The following BMS1 variants were observed in gnomAD, a reference collection of about 807,000 sequenced individuals.
The protein encoded by BMS1 is BMS1 ribosome biogenesis factor.
BMS1 carries 53 observed loss-of-function variants against 138.7 expected under a neutral mutation model. The observed-to-expected ratio is 0.38, with a 90% CI of 0.31 to 0.48. The LOEUF is 0.48. BMS1 is among the 20% of genes least tolerant of loss of function. The probability of loss-of-function intolerance (pLI) is 0.97; values close to 1 mark genes in which losing one functional copy is unlikely to be tolerated. For synonymous variants in BMS1, 504 were observed against 539.9 expected, an observed-to-expected ratio of 0.93 and a Z score of 0.92; for missense variants, 1,360 against 1,565.5, an observed-to-expected ratio of 0.87 and a Z score of 2.22.
intron 6 of BMS1, among the ~76,000 whole-genome samples, 182 bp from the exon 7 acceptor site, chr10:42,792,311 A>G (rs1347284211): frequency 2.0e-5 from 3 of 152,192 alleles, no homozygotes; most frequent in African/African-American, 4.8e-5. Context: ...GCCTAGAGAC[A>G]CAGTTGTGTG....
At chr10:42,808,759 C>T (rs909405079) in intron 13 of BMS1, among the ~76,000 whole-genome samples, 3 of 152,134 alleles carry the variant, frequency 2.0e-5, no homozygotes, top group African/African-American at 7.2e-5. Flanking sequence ...TTTTCTAGCA[C>T]CACTTATTTT....
In BMS1 at chr10:42,791,618, A is replaced by C. The variant is rs1194345376; in HGVS notation, c.637-9A>C. ...GAAATTTAATTTTTAATTTTCCTCT[A>C]ATGTTTAGGGTGCCAAGCTGTTCTA... On this transcript the variant is annotated splice_polypyrimidine_tract_variant and intron_variant, in intron 5 of 22. Transcript: ENST00000374518. 1 of 1,584,156 alleles carries C rather than the reference A, an allele frequency of 6.3e-7. No individual in the cohort carries two copies. Among genetic ancestry groups the C allele is most frequent in the East Asian group, 2.2e-5 (1 of 44,704 alleles).
At chr10:42,793,802 C>T (rs968884414) in intron 8 of BMS1, 50 bp from the exon 9 acceptor site, 6 of 1,573,692 alleles carry the variant, frequency 3.8e-6, no homozygotes, top group Non-Finnish European at 4.3e-6. Flanking sequence ...TCGTGTCTCT[C>T]CAGGATCTTT....
intron 8 of BMS1, among the ~76,000 whole-genome samples, chr10:42,793,586 G>C (rs1217572061): frequency 6.6e-6 from 1 of 152,170 alleles, no homozygotes; most frequent in Non-Finnish European, 1.5e-5. Flanking sequence ...AGAAAAGCTA[G>C]CATTGTTGTA....
chr10:42,807,045 G>A (rs1734990500), intron 13 of BMS1, among the ~76,000 whole-genome samples: 1 of 152,126 alleles, frequency 6.6e-6, no homozygotes, highest in Non-Finnish European at 1.5e-5. Context: ...ATGTGTGTGT[G>A]TGTGTGTTTT....
At chr10:42,802,279 A>G in intron 13 of BMS1, 61 bp downstream of exon 13, 3 of 1,427,800 alleles carry the variant, frequency 2.1e-6, no homozygotes, top group South Asian at 1.2e-5. Flanking sequence ...TTTCTTCAGT[A>G]TCTTAGACAA....
Position 42,797,482 on chromosome 10 carries a change from A to G in BMS1, c.2048A>G (p.Gln683Arg). 6.2e-7 allele frequency: 1 copy of G among 1,614,268 alleles called. No homozygotes were observed. The highest frequency in any genetic ancestry group is 1.3e-5 in the African/African-American group (1 of 75,074). Residue 683 changes from glutamine to arginine, a missense_variant, in exon 11 of 23, where the codon CAG becomes CGG. Gln to Arg is a conservative substitution (Grantham distance 43). This residue lies in a region of BMS1 where 697 missense variants were observed against 686.2 expected (regional missense o/e 1.02). Coordinates refer to ENST00000374518, the MANE Select transcript of BMS1 (RefSeq NM_014753.4). ...GCAGCTGAGGCCTTTCTGAGGCAGC[A>G]GCAAGCAGCTCCAAACCTCCGAAAG... ...RKAAEAFLRQ[Q>R]QAAPNLRKLI...
rs771475762 is a variant in BMS1, at chr10:42,817,328, T to C, written c.2414T>C (p.Ile805Thr). Reference sequence around the variant, plus strand: ...TTCTGGAAATTTAAGAATGAAGATATAGAGAAAGAAGTTAAGGAAGAAATT... The same window carrying C: ...TTCTGGAAATTTAAGAATGAAGATACAGAGAAAGAAGTTAAGGAAGAAATT... ...KSGPNTQNEDIEKEVKEEIDP... is the reference protein window; with the variant it reads ...KSGPNTQNEDTEKEVKEEIDP... Residue 805 changes from isoleucine to threonine, a missense_variant, in exon 15 of 23, where the codon ATA (isoleucine) becomes ACA (threonine). Coordinates refer to ENST00000374518, the MANE Select transcript of BMS1 (RefSeq NM_014753.4). The C allele has an allele frequency of 1.2e-5, 19 of 1,597,466 alleles. No individual in the cohort carries two copies. The highest frequency in any genetic ancestry group is 1.1e-4 in the Admixed American group (6 of 56,622).
At chr10:42,813,190 T>C (rs1309757508) in intron 13 of BMS1, among the ~76,000 whole-genome samples, 2 of 152,218 alleles carry the variant, frequency 1.3e-5, no homozygotes, top group Non-Finnish European at 2.9e-5. Context: ...TTAAGTGAGT[T>C]TGAAGTTTCT....
chr10:42,800,962 C>T (rs1841856942), intron 12 of BMS1, among the ~76,000 whole-genome samples: 1 of 152,164 alleles, frequency 6.6e-6, no homozygotes. Flanking sequence ...TATTGAAGCT[C>T]CTCTTTATCC....
At position 42,832,843 on chromosome 10, in the gene BMS1, A is replaced by T. The variant is rs1842824072; in HGVS notation, c.*1747A>T. On this transcript the variant is annotated 3_prime_UTR_variant, in exon 23 of 23. Coordinates refer to ENST00000374518, the MANE Select transcript of BMS1 (RefSeq NM_014753.4). ...ATTATGCTGATAGGCCTGGGGACTG[A>T]CACATAGTAAGCCCATAACAATTAT... The T allele has an allele frequency of 3.9e-5, 6 of 152,216 alleles. No individual in the cohort carries two copies. Among genetic ancestry groups the T allele is most frequent in the Admixed American group, 3.9e-4 (6 of 15,282 alleles). 9.4% of individuals were successfully genotyped at this position (152,216 alleles called of 1,614,324 possible).
chr10:42,804,370 C>T (rs915420210), intron 13 of BMS1, among the ~76,000 whole-genome samples: 3 of 152,126 alleles, frequency 2.0e-5, no homozygotes, highest in Non-Finnish European at 4.4e-5. Context: ...ATGCAACTTC[C>T]GGTTGCTTCA....
chr10:42,825,720 T>C (rs1358717990), intron 21 of BMS1, among the ~76,000 whole-genome samples: 1 of 152,244 alleles, frequency 6.6e-6, no homozygotes, highest in Non-Finnish European at 1.5e-5. Context: ...GTAAAGGATC[T>C]TGTCATCTGC....
At position 42,811,136 on chromosome 10, in the gene BMS1, G is replaced by A. The variant is rs1842163131; in HGVS notation, c.2330-5463G>A. ...TGGCTCCCCGCAACCTCCACCTCCG[G>A]GTTCAAGTGATTCTCCTGCCTCAGC... is the stretch of plus-strand genomic sequence containing the variant. On this transcript the variant is annotated intron_variant, in intron 13 of 22. Transcript: ENST00000374518. Among the ~76,000 whole-genome samples the A allele has an allele frequency of 2.6e-5, 4 of 151,968 alleles. No homozygotes were observed. The South Asian group carries it at 8.3e-4, about 32-fold the overall frequency.
chr10:42,817,061 G>A (rs1357981236), intron 14 of BMS1, among the ~76,000 whole-genome samples: 4 of 152,268 alleles, frequency 2.6e-5, no homozygotes, highest in African/African-American at 7.2e-5. Flanking sequence ...TGAGGGACAC[G>A]TCTGTTATTT....
intron 15 of BMS1, among the ~76,000 whole-genome samples, chr10:42,818,496 G>A (rs1029804367): frequency 1.5e-4 from 23 of 152,206 alleles, no homozygotes; most frequent in African/African-American, 5.3e-4. Flanking sequence ...AACCCGGATA[G>A]ACTTTATTTG....
chr10:42,803,601 C>T (rs930317249), intron 13 of BMS1, among the ~76,000 whole-genome samples: 1 of 152,114 alleles, frequency 6.6e-6, no homozygotes, highest in African/African-American at 2.4e-5. Context: ...CGTGTCTCAA[C>T]AGTTTCCCTT....
At chr10:42,803,409 GATT>G (rs1201033912) in intron 13 of BMS1, among the ~76,000 whole-genome samples, 1 of 152,088 alleles carries the variant, frequency 6.6e-6, no homozygotes, top group African/African-American at 2.4e-5. Context: ...AAAGTGCTGG[GATT>G]ACAGGCATGA....
At chr10:42,785,867 C>T (rs1299347314) in intron 3 of BMS1, among the ~76,000 whole-genome samples, 195 bp downstream of exon 3, 1 of 152,128 alleles carries the variant, frequency 6.6e-6, no homozygotes, top group Non-Finnish European at 1.5e-5. Flanking sequence ...TGATAATGTT[C>T]ACATTTCCTC....
Sources: gnomAD v4.1 joint callset for allele counts (sites outside exome capture counted in the v4.1 genomes callset) on GRCh38, gnomAD v4.1.1 for gene constraint, gnomAD v4.1.1 regional missense constraint, MANE v1.5 for transcripts, NCBI Gene and HGNC (gene_info 2026-07-23, HGNC 2026-07-21) for gene names.